Variants in JAZF1 observed in about 807,000 individuals in gnomAD.
JAZF1 encodes the protein juxtaposed with another zinc finger protein 1.
Under a neutral mutation model 26.4 loss-of-function variants are expected in JAZF1, and 8 were observed. That is an observed-to-expected ratio of 0.30 (90% confidence interval 0.18 to 0.55). JAZF1 has a LOEUF of 0.55. Among genes scored for constraint, JAZF1 ranks in the 20% least tolerant of loss-of-function variants. The probability of loss-of-function intolerance (pLI) is 0.94; values close to 1 mark genes in which losing one functional copy is unlikely to be tolerated. For synonymous variants in JAZF1, 126 were observed against 122.3 expected (o/e 1.03, Z -0.20); for missense variants, 199 against 322.0 (o/e 0.62, Z 2.92).
intron 1 of JAZF1, among the ~76,000 whole-genome samples, chr7:28,110,615 A>AAAAGGAAAAGG (rs1562591153): frequency 4.7e-5 from 6 of 128,442 alleles, no homozygotes; most frequent in Non-Finnish European, 6.5e-5. Flanking sequence ...AAAGGAAAGG[A>AAAAGGAAAAGG]AAAGGAAAGG....
At chr7:28,086,913 T>A (rs1469985980) in intron 1 of JAZF1, among the ~76,000 whole-genome samples, 1 of 152,164 alleles carries the variant, frequency 6.6e-6, no homozygotes, top group African/African-American at 2.4e-5. Flanking sequence ...CACAGTAGTA[T>A]TATAAGGGTG....
intron 1 of JAZF1, among the ~76,000 whole-genome samples, chr7:28,036,535 T>G (rs76633296): frequency 1.3e-5 from 2 of 152,130 alleles, no homozygotes; most frequent in Admixed American, 1.3e-4. Context: ...GCAGGCAGCT[T>G]TGGACACAGA....
rs549204781 is a variant in JAZF1 at position 28,168,196 on chromosome 7, C to T, written c.115+12267G>A. On this transcript the variant is annotated intron_variant, in intron 1 of 4. Transcript: ENST00000283928. Reference sequence around the variant, plus strand: ...AGGAGATCGAGACCATCCTGGCTAACATGGTGAAACTCCGTCTCCACTAAA... The same window carrying T: ...AGGAGATCGAGACCATCCTGGCTAATATGGTGAAACTCCGTCTCCACTAAA... 3.9e-5 allele frequency among the ~76,000 whole-genome samples: 6 copies of T among 152,148 alleles called. No individual in the cohort carries two copies. In the South Asian group the frequency reaches 1.0e-3, roughly 26 times the overall value.
chr7:27,962,957 C>A (rs1785209287), intron 2 of JAZF1, among the ~76,000 whole-genome samples: 2 of 152,190 alleles, frequency 1.3e-5, no homozygotes. Context: ...CAGAAATGAT[C>A]TACCCACTAT....
chr7:28,026,989 G>A (rs868365054), intron 1 of JAZF1, among the ~76,000 whole-genome samples: 3 of 152,150 alleles, frequency 2.0e-5, no homozygotes, highest in East Asian at 1.9e-4. Flanking sequence ...TCCATTACCC[G>A]TGTTTAAAAA....
In JAZF1 at chr7:28,137,067, C is replaced by T. The variant is rs919705528; in HGVS notation, c.115+43396G>A. ...GCTAGGCATCCTGATACCATCTTAC[C>T]GAGGCAGCTGGGGCACTGGAAAGCA... On this transcript the variant is annotated intron_variant, in intron 1 of 4. Transcript: ENST00000283928. 3.9e-5 allele frequency among the ~76,000 whole-genome samples: 6 copies of T among 152,292 alleles called. No individual in the cohort carries two copies. In the East Asian group the frequency reaches 9.7e-4, roughly 25 times the overall value.
chr7:27,904,440 C>A (rs1316853863), intron 2 of JAZF1, among the ~76,000 whole-genome samples: 1 of 152,130 alleles, frequency 6.6e-6, no homozygotes, highest in African/African-American at 2.4e-5. Context: ...TTGTCAGCAC[C>A]CCTTCGTTAA....
chr7:27,849,000 A>G (rs956413085), intron 3 of JAZF1, among the ~76,000 whole-genome samples: 2 of 151,932 alleles, frequency 1.3e-5, no homozygotes, highest in Non-Finnish European at 2.9e-5. Context: ...TGTCTCCCCA[A>G]CTGATCAGAG....
At chr7:28,092,486 TA>T (rs1436578198) in intron 1 of JAZF1, among the ~76,000 whole-genome samples, 2 of 139,642 alleles carry the variant, frequency 1.4e-5, no homozygotes, top group Non-Finnish European at 3.0e-5. Flanking sequence ...TAAAAGTATA[TA>T]AAAAATTAAA....
chr7:27,960,264 G>A (rs1278335397), intron 2 of JAZF1, among the ~76,000 whole-genome samples: 1 of 152,196 alleles, frequency 6.6e-6, no homozygotes, highest in Non-Finnish European at 1.5e-5. Context: ...AAGACTGAAA[G>A]GACCCAGGGA....
chr7:27,912,171 C>G (rs1321773889), intron 2 of JAZF1, among the ~76,000 whole-genome samples: 1 of 152,122 alleles, frequency 6.6e-6, no homozygotes, highest in East Asian at 1.9e-4. Context: ...ATAATGGGAT[C>G]CCAACAATTT....
At chr7:28,083,943 C>T (rs889147146) in intron 1 of JAZF1, among the ~76,000 whole-genome samples, 16 of 152,076 alleles carry the variant, frequency 1.1e-4, no homozygotes, top group African/African-American at 3.9e-4. Flanking sequence ...TTACATGTTA[C>T]ATTTTATGAC....
At chr7:28,118,200 T>A (rs1333249455) in intron 1 of JAZF1, 1 of 152,202 alleles carries the variant, frequency 6.6e-6, no homozygotes, top group Non-Finnish European at 1.5e-5. Flanking sequence ...TTTTTGCATA[T>A]GTGCTGCCAA....
intron 2 of JAZF1, among the ~76,000 whole-genome samples, chr7:27,915,740 A>G (rs1391071712): frequency 1.3e-5 from 2 of 152,228 alleles, no homozygotes. Context: ...TGAGTAATGA[A>G]TAATGAAAAT....
chr7:28,075,373 T>C (rs969776027), intron 1 of JAZF1, among the ~76,000 whole-genome samples: 2 of 152,226 alleles, frequency 1.3e-5, no homozygotes, highest in East Asian at 1.9e-4. Context: ...ATTTACCTGA[T>C]AGTGAGCTAA....
chr7:28,074,681 AT>A (rs1352290504), intron 1 of JAZF1, among the ~76,000 whole-genome samples: 16 of 152,212 alleles, frequency 1.1e-4, no homozygotes, highest in Admixed American at 6.5e-5. Flanking sequence ...TACTTTTATA[AT>A]TATTCTGATC....
chr7:27,856,252 T>C (rs953979876), intron 3 of JAZF1, among the ~76,000 whole-genome samples: 1 of 152,176 alleles, frequency 6.6e-6, no homozygotes, highest in South Asian at 2.1e-4. Flanking sequence ...CGGTGAGCGT[T>C]ACAGCTCTTA....
intron 2 of JAZF1, among the ~76,000 whole-genome samples, chr7:27,910,827 C>T (rs919210508): frequency 3.3e-5 from 5 of 152,210 alleles, no homozygotes; most frequent in Admixed American, 3.3e-4. Flanking sequence ...CCTCTTTCAC[C>T]AAGTTCGTGT....
intron 1 of JAZF1, chr7:28,071,603 A>G (rs1433232427): frequency 2.1e-6 from 1 of 471,776 alleles, no homozygotes; most frequent in African/African-American, 2.0e-5. Flanking sequence ...GATTTCAGTG[A>G]AACCTTTCAC....
Sources: allele counts gnomAD v4.1 joint callset (sites outside exome capture counted in the v4.1 genomes callset), GRCh38; gene constraint gnomAD v4.1.1; transcripts MANE v1.5; gene names NCBI Gene and HGNC (gene_info 2026-07-23, HGNC 2026-07-21).